The following TTC39B variants were observed in gnomAD, a reference collection of about 807,000 sequenced individuals.
The protein encoded by TTC39B is tetratricopeptide repeat domain 39B.
Under a neutral mutation model 96.6 loss-of-function variants are expected in TTC39B, and 92 were observed. That is an observed-to-expected ratio of 0.95 (90% CI 0.80 to 1.13). TTC39B has a LOEUF of 1.13. TTC39B is among the 50% of genes most tolerant of loss of function. The pLI is 0.00. For synonymous variants in TTC39B, 367 were observed against 299.4 expected (o/e 1.23, Z -2.33); for missense variants, 955 against 809.3 (o/e 1.18, Z -2.18).
chr9:15,167,080 G>A (rs1817544428), exon 20 of TTC39B: 1 of 103,996 alleles, frequency 9.6e-6, no homozygotes, highest in African/African-American at 3.8e-5. Flanking sequence ...TCTGTCACCT[G>A]GGGTGGAGTG....
At chr9:15,196,581 G>A (rs1819184071) in intron 8 of TTC39B, among the ~76,000 whole-genome samples, 1 of 152,216 alleles carries the variant, frequency 6.6e-6, no homozygotes, top group African/African-American at 2.4e-5. Context: ...GAGACTGACT[G>A]CTGCCATCTC....
chr9:15,179,601 G>A (rs368628541), intron 17 of TTC39B, among the ~76,000 whole-genome samples: 4 of 152,006 alleles, frequency 2.6e-5, no homozygotes, highest in Admixed American at 6.6e-5. Flanking sequence ...TTTTAATCAC[G>A]GATGTTAAAA....
At position 15,300,891 on chromosome 9, in the gene TTC39B, C is replaced by CAAAA. The variant is rs71491658; in HGVS notation, c.240+6189_240+6192dup. 1.2e-4 allele frequency among the ~76,000 whole-genome samples: 10 copies of CAAAA among 81,142 alleles called. 1 individual carries two copies. The highest frequency in any genetic ancestry group is 5.1e-4 in the East Asian group (1 of 1,970). The allele number at this position is 81,142 out of a possible 152,430, so 53.2% of individuals were successfully genotyped here. Reference sequence around the variant, plus strand: ...TGGGTGAAAGAGTAAAACTCCGTCTCAAAAAAAAAAAAAAAAAAAAAAAAA... The same window carrying CAAAA: ...TGGGTGAAAGAGTAAAACTCCGTCTCAAAAAAAAAAAAAAAAAAAAAAAAAAAAA... On this transcript the variant is annotated intron_variant, in intron 1 of 19. Transcript: ENST00000512701.
intron 18 of TTC39B, among the ~76,000 whole-genome samples, chr9:15,176,241 C>T (rs1471071994): frequency 6.6e-6 from 1 of 152,170 alleles, no homozygotes; most frequent in African/African-American, 2.4e-5. Context: ...TCACAATCCA[C>T]AATTATAAAG....
intron 1 of TTC39B, among the ~76,000 whole-genome samples, chr9:15,281,251 T>C (rs1823750759): frequency 6.6e-6 from 1 of 152,184 alleles, no homozygotes; most frequent in African/African-American, 2.4e-5. Flanking sequence ...TTCTTATTCA[T>C]CACCTGTAAA....
chr9:15,283,747 T>C (rs1386712034), intron 1 of TTC39B, among the ~76,000 whole-genome samples: 1 of 152,214 alleles, frequency 6.6e-6, no homozygotes, highest in East Asian at 1.9e-4. Flanking sequence ...AATTTTATTA[T>C]TCAGTTACGA....
At chr9:15,174,898 T>C (rs893788450) in intron 19 of TTC39B, 121 bp downstream of exon 19, 10 of 716,332 alleles carry the variant, frequency 1.4e-5, no homozygotes, top group African/African-American at 1.2e-4. Flanking sequence ...TTAGCAAAAG[T>C]AGCATTATTA....
chr9:15,274,610 C>A (rs1346379723), intron 1 of TTC39B, among the ~76,000 whole-genome samples: 2 of 152,074 alleles, frequency 1.3e-5, no homozygotes, highest in Admixed American at 1.3e-4. Context: ...CAATAGGGGC[C>A]CACACATTAG....
At chr9:15,292,804 AGT>A (rs1448339700) in intron 1 of TTC39B, among the ~76,000 whole-genome samples, 3 of 152,246 alleles carry the variant, frequency 2.0e-5, no homozygotes, top group Admixed American at 1.3e-4. Flanking sequence ...ATAGCTGTAC[AGT>A]GTGTTTGTGT....
chr9:15,189,475 T>C (rs1247984161), intron 13 of TTC39B, 99 bp downstream of exon 13: 1 of 1,301,704 alleles, frequency 7.7e-7, no homozygotes, highest in Non-Finnish European at 1.1e-6. Flanking sequence ...CTAGTCCATA[T>C]AGCCAAGTTT....
intron 9 of TTC39B, 43 bp downstream of exon 9, chr9:15,192,547 T>A (rs1818916010): frequency 5.4e-6 from 8 of 1,490,628 alleles, no homozygotes; most frequent in Non-Finnish European, 7.5e-6. Context: ...AAACCTTAGG[T>A]TCTTCTACAA....
chr9:15,225,962 T>A, exon 3 of TTC39B: 2 of 1,614,074 alleles, frequency 1.2e-6, no homozygotes, highest in Non-Finnish European at 1.7e-6. Context: ...CTGTTGTGTA[T>A]CACATGATGC....
At chr9:15,216,380 G>C (rs1820518650) in intron 3 of TTC39B, among the ~76,000 whole-genome samples, 1 of 152,204 alleles carries the variant, frequency 6.6e-6, no homozygotes, top group South Asian at 2.1e-4. Context: ...TTCATGCCTA[G>C]AGTTTGAGAC....
intron 1 of TTC39B, among the ~76,000 whole-genome samples, chr9:15,271,166 G>A (rs1018365419): frequency 6.6e-6 from 1 of 152,156 alleles, no homozygotes; most frequent in Non-Finnish European, 1.5e-5. Flanking sequence ...ATGAAGGGGT[G>A]CCATATCCTC....
rs75339145 is a variant in TTC39B, at chr9:15,199,255, T to C, written c.824+606A>G. The stretch of plus-strand genomic sequence containing the variant: ...CTGGAGTCTGAACCAAAGATATTAC[T>C]ATAATTTTAAATTTATAAACTGTTC... On this transcript the variant is annotated intron_variant, in intron 8 of 19. Coordinates refer to ENST00000512701, the Ensembl canonical transcript of TTC39B. Among the ~76,000 whole-genome samples, 921 of 152,372 alleles carry C rather than the reference T, an allele frequency of 6.0e-3. 34 individuals are homozygous for C. Among genetic ancestry groups the C allele is most frequent in the Admixed American group, 0.05 (770 of 15,300 alleles).
At chr9:15,204,437 G>A (rs939131021) in intron 6 of TTC39B, among the ~76,000 whole-genome samples, 7 of 151,884 alleles carry the variant, frequency 4.6e-5, no homozygotes, top group Admixed American at 1.3e-4. Context: ...GCTGAGGTAG[G>A]AGAATCACTT....
chr9:15,204,318 CAGG>C (rs144459923), intron 6 of TTC39B, among the ~76,000 whole-genome samples: 1,894 of 152,262 alleles, frequency 0.012, 40 homozygotes, highest in African/African-American at 0.042. Flanking sequence ...CACCTGAGGT[CAGG>C]AGATCGAGAC....
chr9:15,267,276 T>G lies in TTC39B; in HGVS notation c.275+638A>C, dbSNP rs552484295. Among the ~76,000 whole-genome samples, 156 of 152,362 alleles carry G rather than the reference T, an allele frequency of 1.0e-3. 1 individual carries two copies. Among genetic ancestry groups the G allele is most frequent in the African/African-American group, 3.5e-3 (146 of 41,584 alleles). ...ATTAAGCCACCCAGGCTATTGTGTT[T>G]TGTTATAGAAGCTGAAGTTAACTAA... On this transcript the variant is annotated intron_variant, in intron 2 of 19. Transcript: ENST00000512701.
chr9:15,289,537 G>T (rs916426920), intron 1 of TTC39B, among the ~76,000 whole-genome samples: 5 of 152,208 alleles, frequency 3.3e-5, no homozygotes, highest in Non-Finnish European at 7.3e-5. Flanking sequence ...TTGCTCAAAG[G>T]CACAATGCCG....
Sources: allele counts gnomAD v4.1 joint callset (sites outside exome capture counted in the v4.1 genomes callset), GRCh38; gene constraint gnomAD v4.1.1; transcripts MANE v1.5; gene names NCBI Gene and HGNC (gene_info 2026-07-23, HGNC 2026-07-21).